The following ADGRD1 variants were observed in gnomAD, a reference collection of about 807,000 sequenced individuals.
ADGRD1 encodes the protein adhesion G protein-coupled receptor D1.
A neutral mutation model predicts 113.4 loss-of-function variants in ADGRD1; 77 were observed. The ratio of observed to expected loss-of-function variants is 0.68; its 90% confidence interval spans 0.57 to 0.82. The LOEUF (loss-of-function observed/expected upper bound fraction) is 0.82. Ranked by LOEUF, ADGRD1 falls within the 40% of genes least tolerant of loss-of-function variation. The probability of loss-of-function intolerance (pLI) is 0.00; values close to 1 mark genes in which losing one functional copy is unlikely to be tolerated. For synonymous variants in ADGRD1, 474 were observed against 475.0 expected (o/e 1.00, Z 0.03); for missense variants, 1,036 against 1,139.1 (o/e 0.91, Z 1.30).
At chr12:131,046,595 GTC>G (rs1882826750) in intron 13 of ADGRD1, among the ~76,000 whole-genome samples, 1 of 117,728 alleles carries the variant, frequency 8.5e-6, no homozygotes, top group Non-Finnish European at 1.7e-5. Flanking sequence ...CCTGGTCAGT[GTC>G]CTCCCTGGTC....
At chr12:131,088,385 G>A (rs1400104013) in intron 15 of ADGRD1, among the ~76,000 whole-genome samples, 2 of 152,242 alleles carry the variant, frequency 1.3e-5, no homozygotes, top group Non-Finnish European at 2.9e-5. Context: ...TAAGGGCCAC[G>A]CGGGAGATCA....
intron 2 of ADGRD1, among the ~76,000 whole-genome samples, chr12:130,959,740 A>G (rs1231000317): frequency 2.6e-5 from 4 of 152,244 alleles, no homozygotes; most frequent in Admixed American, 6.5e-5. Flanking sequence ...AGAGGTAGCC[A>G]GATATTTGCC....
intron 14 of ADGRD1, among the ~76,000 whole-genome samples, chr12:131,081,466 G>A (rs781664579): frequency 6.6e-6 from 1 of 151,974 alleles, no homozygotes; most frequent in Non-Finnish European, 1.5e-5. Context: ...TTTGATAGTG[G>A]TTGACCTAAG....
chr12:131,078,356 T>C (rs1368831352), intron 14 of ADGRD1, among the ~76,000 whole-genome samples: 1 of 152,218 alleles, frequency 6.6e-6, no homozygotes, highest in African/African-American at 2.4e-5. Context: ...CGTCGGCGTC[T>C]GGCTATGACC....
At chr12:131,026,144 C>G (rs1177646770) in intron 13 of ADGRD1, 1 of 152,302 alleles carries the variant, frequency 6.6e-6, no homozygotes. Flanking sequence ...GCTGGGGAGC[C>G]TGCACTCTAC....
rs889711888 is a variant in ADGRD1 at position 130,966,655 on chromosome 12, C to T, written c.187+109C>T. ...TTGAAATCCCAGGGCCATTGGGGGA[C>T]GTGGGTGCTGAGAGTGACTGTGGGC... is the stretch of plus-strand genomic sequence containing the variant. On this transcript the variant is annotated intron_variant, in intron 3 of 24. Transcript: ENST00000261654. This position sits in a 1 kb window ranked among gnomAD's most constrained non-coding sequence, Gnocchi z 4.6. 3.0e-5 allele frequency: 22 copies of T among 743,394 alleles called. No individual in the cohort carries two copies. Among genetic ancestry groups the T allele is most frequent in the African/African-American group, 2.6e-4 (15 of 58,418 alleles). The allele number at this position is 743,394 out of a possible 1,614,324, so 46.0% of individuals were successfully genotyped here.
At chr12:130,981,812 A>G in intron 4 of ADGRD1, 72 bp from the exon 5 acceptor site, 1 of 999,692 alleles carries the variant, frequency 1.0e-6, no homozygotes, top group Non-Finnish European at 1.5e-6. Flanking sequence ...TAAAAAGCAA[A>G]GAGAACCATG....
chr12:130,980,759 T>A (rs1436467723), intron 4 of ADGRD1: 2 of 152,218 alleles, frequency 1.3e-5, no homozygotes, highest in African/African-American at 4.8e-5. Flanking sequence ...AAAATTACAT[T>A]GTTTTTCCAT....
chr12:131,029,899 C>T (rs1295604129), intron 13 of ADGRD1, among the ~76,000 whole-genome samples: 5 of 118,912 alleles, frequency 4.2e-5, no homozygotes, highest in African/African-American at 9.7e-5. Flanking sequence ...GTGGACCCCT[C>T]GTTCGGTGAC....
intron 13 of ADGRD1, among the ~76,000 whole-genome samples, chr12:131,066,426 C>T (rs983691784): frequency 2.6e-5 from 4 of 152,130 alleles, no homozygotes; most frequent in African/African-American, 4.8e-5. Flanking sequence ...TGGCCCTGTC[C>T]GTTCACTCCC....
At chr12:131,021,467 T>C (rs1476229968) in intron 13 of ADGRD1, among the ~76,000 whole-genome samples, 1 of 152,188 alleles carries the variant, frequency 6.6e-6, no homozygotes, top group Non-Finnish European at 1.5e-5. Context: ...TGTGCGTCTT[T>C]GACAAGAACG....
intron 11 of ADGRD1, 124 bp downstream of exon 11, chr12:131,004,420 G>A (rs1876839053): frequency 1.3e-6 from 1 of 748,432 alleles, no homozygotes; most frequent in South Asian, 1.7e-5. Flanking sequence ...GCCGCCTGCG[G>A]TGCTCCCCCG....
chr12:131,139,098 G>A (rs915304202), intron 24 of ADGRD1, 70 bp from the exon 25 acceptor site: 30 of 1,203,608 alleles, frequency 2.5e-5, no homozygotes, highest in Middle Eastern at 3.8e-4. Flanking sequence ...AATGCTCCCC[G>A]CACTCACTGG....
intron 13 of ADGRD1, among the ~76,000 whole-genome samples, chr12:131,040,611 A>G (rs866306570): frequency 7.2e-5 from 11 of 152,258 alleles, no homozygotes; most frequent in Non-Finnish European, 1.6e-4. Flanking sequence ...TGGGCCGGGC[A>G]GCTCAGAAAC....
rs1467806826 is a variant in ADGRD1 at position 130,996,788 on chromosome 12, G to A, written c.967-3595G>A. Among the ~76,000 whole-genome samples the A allele has an allele frequency of 1.9e-4, 20 of 104,738 alleles. No individual in the cohort carries two copies. In the South Asian group the frequency reaches 6.5e-3, roughly 34 times the overall value. The allele number at this position is 104,738 out of a possible 152,430, so 68.7% of individuals were successfully genotyped here. A position where few individuals can be genotyped will look rare whatever the true frequency, so the allele number is the denominator to read the frequency against. ...ACTTCCCAGTAGGGGTGGCCGGGCA[G>A]AGGCGCCCCTCACCTCCCGGACGGG... On this transcript the variant is annotated intron_variant, in intron 8 of 24. Transcript: ENST00000261654.
At chr12:130,972,052 G>A (rs551678509) in intron 4 of ADGRD1, among the ~76,000 whole-genome samples, 32 of 152,160 alleles carry the variant, frequency 2.1e-4, no homozygotes, top group South Asian at 2.1e-4. Context: ...GCAGTGGCTC[G>A]AACTGTCCCG....
rs180709411 is a variant in ADGRD1 at position 131,066,317 on chromosome 12, C to T, written c.1474-10484C>T. Among the ~76,000 whole-genome samples the T allele has an allele frequency of 4.9e-4, 74 of 152,306 alleles. 1 individual carries two copies. In the East Asian group the frequency reaches 0.013, roughly 26 times the overall value. The stretch of plus-strand genomic sequence containing the variant: ...CAGGCTTTGGTTCCCTAGGGTTTCC[C>T]GCCGACGCATCTGCACCTGCTGCTC... On this transcript the variant is annotated intron_variant, in intron 13 of 24. Transcript: ENST00000261654.
chr12:130,954,357 G>C lies in ADGRD1; in HGVS notation c.-109G>C, dbSNP rs1869250326. 1.0e-6 allele frequency: 1 copy of C among 978,640 alleles called. No individual in the cohort carries two copies. The highest frequency in any genetic ancestry group is 1.6e-5 in the African/African-American group (1 of 61,166). The allele number at this position is 978,640 out of a possible 1,614,324, so 60.6% of individuals were successfully genotyped here. On this transcript the variant is annotated 5_prime_UTR_variant, in exon 1 of 25. Transcript: ENST00000261654. The surrounding 1 kb of genome is among the most constrained non-coding windows in gnomAD (Gnocchi z 4.7). ...TAAGGAGACAGAAATTTTCTCCCCTGGAACCTGTGAAAATGTCCCTTTTCC... is the reference window on the plus strand; with the variant it reads ...TAAGGAGACAGAAATTTTCTCCCCTCGAACCTGTGAAAATGTCCCTTTTCC...
chr12:131,055,252 C>T (rs1883754262), intron 13 of ADGRD1, among the ~76,000 whole-genome samples: 1 of 152,180 alleles, frequency 6.6e-6, no homozygotes, highest in South Asian at 2.1e-4. Flanking sequence ...AGCCACCTCA[C>T]AACCCTGTGA....
Sources: allele counts gnomAD v4.1 joint callset (sites outside exome capture counted in the v4.1 genomes callset), GRCh38; gene constraint gnomAD v4.1.1; non-coding constraint Gnocchi (gnomAD v3.1); transcripts MANE v1.5; gene names NCBI Gene and HGNC (gene_info 2026-07-23, HGNC 2026-07-21).